The following TSLP variants were observed in gnomAD, a reference collection of about 807,000 sequenced individuals.
TSLP encodes the protein thymic stromal lymphopoietin, also known as thymic stroma-derived lymphopoietin.
Under a neutral mutation model 12.4 loss-of-function variants are expected in TSLP, and 12 were observed. That is an observed-to-expected ratio of 0.97 (90% CI 0.62 to 1.57). The LOEUF is 1.57. Ranked by LOEUF, TSLP falls within the 40% of genes most tolerant of loss-of-function variation. TSLP has a pLI of 0.00. For missense variants in TSLP, 222 were observed against 189.6 expected, an observed-to-expected ratio of 1.17 and a Z score of -1.00; for synonymous variants, 97 against 69.5, an observed-to-expected ratio of 1.40 and a Z score of -1.97.
chr5:111,073,810 C>T (rs1025244122), intron 3 of TSLP, among the ~76,000 whole-genome samples, 165 bp downstream of exon 3: 1 of 152,174 alleles, frequency 6.6e-6, no homozygotes, highest in South Asian at 2.1e-4. Flanking sequence ...CACGTTGATA[C>T]CCGGAATCAA....
upstream of TSLP, chr5:111,071,339 T>C: frequency 9.5e-7 from 1 of 1,050,926 alleles, no homozygotes; most frequent in Non-Finnish European, 1.3e-6. Flanking sequence ...ATGTTCAGAA[T>C]GCATGGGACA....
At chr5:111,074,748 T>C (rs1269343044) in intron 3 of TSLP, among the ~76,000 whole-genome samples, 1 of 150,914 alleles carries the variant, frequency 6.6e-6, no homozygotes, top group Non-Finnish European at 1.5e-5. Flanking sequence ...GCCTCCCGAG[T>C]AGCTGGAACT....
chr5:111,074,428 A>T (rs746525447), intron 3 of TSLP, among the ~76,000 whole-genome samples: 21 of 152,178 alleles, frequency 1.4e-4, no homozygotes, highest in Non-Finnish European at 2.6e-4. Context: ...AAATTAGTCA[A>T]CACATGTAAA....
intron 3 of TSLP, among the ~76,000 whole-genome samples, chr5:111,074,618 C>T (rs1752442823): frequency 6.9e-6 from 1 of 145,746 alleles, no homozygotes; most frequent in African/African-American, 2.6e-5. Context: ...TAGATGGACA[C>T]GACTGTCACT....
upstream of TSLP, chr5:111,071,513 G>A (rs1408210920): frequency 3.9e-6 from 6 of 1,548,784 alleles, no homozygotes; most frequent in African/African-American, 4.1e-5. Context: ...GCAAAAAGGA[G>A]GAAGGTGAGG....
At position 111,077,740 on chromosome 5, in the gene TSLP, C is replaced by G. The variant is rs1455890818; in HGVS notation, c.*1666C>G. On this transcript the variant is annotated 3_prime_UTR_variant, in exon 4 of 4. Coordinates refer to ENST00000344895, the MANE Select transcript of TSLP (RefSeq NM_033035.5). ...CCCATTAAGTGCAGTTTCTTTGAAT[C>G]TTCTGCTTTATCTTTAAAAATTTGT... 1 of 152,578 alleles carries G rather than the reference C, an allele frequency of 6.6e-6. No homozygotes were observed. The highest frequency in any genetic ancestry group is 1.5e-5 in the Non-Finnish European group (1 of 68,014). The allele number at this position is 152,578 out of a possible 1,614,324, so 9.5% of individuals were successfully genotyped here.
At chr5:111,071,215 G>A (rs944106626), upstream of TSLP, 4 of 402,180 alleles carry the variant, frequency 9.9e-6, no homozygotes, top group Admixed American at 4.1e-5. Context: ...AAGTGCTGTC[G>A]AAGACTGAGA....
rs551788392 is a variant in TSLP, at chr5:111,077,668, C to T, written c.*1594C>T. The T allele has an allele frequency of 2.4e-4, 36 of 152,644 alleles. No homozygotes were observed. Among genetic ancestry groups the T allele is most frequent in the African/African-American group, 8.4e-4 (35 of 41,538 alleles). 9.5% of individuals were successfully genotyped at this position (152,644 alleles called of 1,614,324 possible). ...TTCACAAAATTTTGGGCCCAATTCCCCTAAAAGAATTGAGGATTAGGGAGA... is the reference window on the plus strand; with the variant it reads ...TTCACAAAATTTTGGGCCCAATTCCTCTAAAAGAATTGAGGATTAGGGAGA... On this transcript the variant is annotated 3_prime_UTR_variant, in exon 4 of 4. Coordinates refer to ENST00000344895, the MANE Select transcript of TSLP (RefSeq NM_033035.5).
intron 3 of TSLP, among the ~76,000 whole-genome samples, chr5:111,074,769 G>C (rs760827953): frequency 1.3e-5 from 2 of 151,214 alleles, no homozygotes; most frequent in African/African-American, 2.4e-5. Context: ...ACAGGTGCCC[G>C]CCACCACGCC....
chr5:111,071,575 C>CTTT, upstream of TSLP: 2 of 1,149,056 alleles, frequency 1.7e-6, no homozygotes, highest in South Asian at 1.7e-5. Context: ...TTAGCTACTC[C>CTTT]TTTTTTTTTT....
intron 3 of TSLP, among the ~76,000 whole-genome samples, chr5:111,074,081 A>T (rs1261840387): frequency 6.6e-6 from 1 of 152,214 alleles, no homozygotes. Flanking sequence ...TTATCACTTA[A>T]TTATTGTGTG....
chr5:111,071,986 T>C lies in TSLP; in HGVS notation c.96T>C (p.Thr32=). The C allele has an allele frequency of 6.2e-7, 1 of 1,614,218 alleles. No homozygotes were observed. Among genetic ancestry groups the C allele is most frequent in the Non-Finnish European group, 8.5e-7 (1 of 1,180,024 alleles). The change falls in exon 1 of 4, where the codon ACT becomes ACC. Residue 32 remains threonine, a synonymous_variant. Transcript: ENST00000344895. ...GGCTGGTGTTAACTTACGACTTCAC[T>C]AACTGTGACTTTGAGAAGATTAAAG... ...LVGLVLTYDF[T]NCDFEKIKAA...
intron 3 of TSLP, among the ~76,000 whole-genome samples, chr5:111,073,942 TAA>T (rs992501116): frequency 2.0e-5 from 3 of 152,170 alleles, no homozygotes; most frequent in Admixed American, 6.5e-5. Flanking sequence ...TGCTGGAGCA[TAA>T]GAGTATGGCT....
intron 1 of TSLP, among the ~76,000 whole-genome samples, chr5:111,072,333 T>A (rs141430473): frequency 6.6e-6 from 1 of 152,124 alleles, no homozygotes; most frequent in South Asian, 2.1e-4. Flanking sequence ...TTTGCTAAAG[T>A]GTTACTCTGA....
At chr5:111,075,473 A>T (rs970723818) in intron 3 of TSLP, among the ~76,000 whole-genome samples, 2 of 152,226 alleles carry the variant, frequency 1.3e-5, no homozygotes, top group Admixed American at 6.5e-5. Flanking sequence ...ATAAACAGGT[A>T]TAAGATAGCT....
chr5:111,073,294 C>T (rs1372486295), intron 2 of TSLP: 3 of 1,420,632 alleles, frequency 2.1e-6, no homozygotes, highest in Admixed American at 6.1e-5. Flanking sequence ...ACAGTCTTTT[C>T]GCGACGAGTG....
chr5:111,076,099 C>A lies in TSLP; in HGVS notation c.*25C>A, dbSNP rs1010862164. 1.2e-6 allele frequency: 2 copies of A among 1,611,710 alleles called. No homozygotes were observed. Among genetic ancestry groups the A allele is most frequent in the African/African-American group, 1.3e-5 (1 of 74,782 alleles). ...AACCATCTTTATTATGGTCATATTT[C>A]ACAGCACCAAAATAAATCATCTTTA... is the stretch of plus-strand genomic sequence containing the variant. On this transcript the variant is annotated 3_prime_UTR_variant, in exon 4 of 4. Transcript: ENST00000344895.
intron 3 of TSLP, 42 bp from the exon 4 acceptor site, chr5:111,075,904 T>C (rs769664192): frequency 1.2e-5 from 20 of 1,601,346 alleles, no homozygotes; most frequent in Admixed American, 8.8e-5. Flanking sequence ...TTACTAAAGA[T>C]AGTGAAAAGT....
At position 111,071,924 on chromosome 5, in the gene TSLP, GTTTC is replaced by G. The variant is rs760053269; in HGVS notation, c.39_42del (p.Phe14GlyfsTer9). The G allele has an allele frequency of 1.1e-5, 18 of 1,614,098 alleles. No individual in the cohort carries two copies. Among genetic ancestry groups the G allele is most frequent in the Non-Finnish European group, 1.4e-5 (17 of 1,180,036 alleles). ...TTTTGCCTTACTATATGTTCTGTCAGTTTCTTTCAGGAAAATCTTCATCTTACAA... is the reference window on the plus strand; with the variant it reads ...TTTTGCCTTACTATATGTTCTGTCAGTTTCAGGAAAATCTTCATCTTACAA... On this transcript the variant is annotated frameshift_variant, in exon 1 of 4. Transcript: ENST00000344895. LOFTEE classifies it high-confidence loss of function.
Sources: gnomAD v4.1 joint callset for allele counts (sites outside exome capture counted in the v4.1 genomes callset) on GRCh38, gnomAD v4.1.1 for gene constraint, MANE v1.5 for transcripts, NCBI Gene and HGNC (gene_info 2026-07-23, HGNC 2026-07-21) for gene names.